Variants in MTOR observed in about 807,000 individuals in gnomAD.
The protein encoded by MTOR is serine/threonine-protein kinase mTOR.
A neutral mutation model predicts 319.8 loss-of-function variants in MTOR; 70 were observed. That is an observed-to-expected ratio of 0.22 (90% CI 0.18 to 0.27). The LOEUF is 0.27. Ranked by LOEUF, MTOR falls within the 10% of genes least tolerant of loss-of-function variation. The probability of loss-of-function intolerance (pLI) is 1.00; values close to 1 mark genes in which losing one functional copy is unlikely to be tolerated. For missense variants in MTOR, 1,890 were observed against 3,274.4 expected, an observed-to-expected ratio of 0.58 and a Z score of 10.32; for synonymous variants, 1,183 against 1,211.4, an observed-to-expected ratio of 0.98 and a Z score of 0.49.
chr1:11,196,594 C>T (rs1421476857), intron 28 of MTOR, among the ~76,000 whole-genome samples: 1 of 152,162 alleles, frequency 6.6e-6, no homozygotes, highest in Non-Finnish European at 1.5e-5. Flanking sequence ...GTGGCTCACG[C>T]CTGTAATCCC....
chr1:11,237,014 G>C (rs377750475), intron 13 of MTOR, among the ~76,000 whole-genome samples: 14 of 152,154 alleles, frequency 9.2e-5, no homozygotes, highest in African/African-American at 3.1e-4. Flanking sequence ...CATTTCTCTA[G>C]AGTGAGTTAC....
At position 11,127,222 on chromosome 1, in the gene MTOR, C is replaced by T. The variant is rs2100403799; in HGVS notation, c.6217-78G>A. ...GGAGGCAAAATCCCCAGGCTGACTGCAGATATTCCTCAGGAGCCCGCTGTG... is the reference window on the plus strand; with the variant it reads ...GGAGGCAAAATCCCCAGGCTGACTGTAGATATTCCTCAGGAGCCCGCTGTG... On this transcript the variant is annotated intron_variant, in intron 44 of 57. Transcript: ENST00000361445. This position sits in a 1 kb window ranked among gnomAD's most constrained non-coding sequence, Gnocchi z 5.5. 1 of 1,585,724 alleles carries T rather than the reference C, an allele frequency of 6.3e-7. No individual in the cohort carries two copies. Among genetic ancestry groups the T allele is most frequent in the South Asian group, 1.1e-5 (1 of 87,498 alleles).
rs749242357 is a variant in MTOR at position 11,139,297 on chromosome 1, T to A, written c.5130+7A>T. 1 of 1,601,660 alleles carries A rather than the reference T, an allele frequency of 6.2e-7. No individual in the cohort carries two copies. Among genetic ancestry groups the A allele is most frequent in the Non-Finnish European group, 8.5e-7 (1 of 1,176,932 alleles). On this transcript the variant is annotated splice_region_variant and intron_variant, in intron 36 of 57. Coordinates refer to ENST00000361445, the MANE Select transcript of MTOR (RefSeq NM_004958.4). Reference sequence around the variant, plus strand: ...GTGGTCTGTTCTGGATGCATTGGGATACAGACCTTGCGGGCACTCTTCCAC... The same window carrying A: ...GTGGTCTGTTCTGGATGCATTGGGAAACAGACCTTGCGGGCACTCTTCCAC...
At chr1:11,210,682 A>T in intron 24 of MTOR, 132 bp downstream of exon 24, 1 of 643,376 alleles carries the variant, frequency 1.6e-6, no homozygotes, top group Non-Finnish European at 2.7e-6. Flanking sequence ...CATAGTCTAC[A>T]AAACTGGAAA....
intron 28 of MTOR, among the ~76,000 whole-genome samples, chr1:11,185,567 T>C (rs1181244069): frequency 1.3e-5 from 2 of 151,924 alleles, no homozygotes; most frequent in Non-Finnish European, 2.9e-5. Flanking sequence ...GGTTGCCCCA[T>C]TGCACTCTAG....
rs141661845 is a variant in MTOR, at chr1:11,203,812, C to T, written c.3944+749G>A. Among the ~76,000 whole-genome samples, 337 of 152,296 alleles carry T rather than the reference C, an allele frequency of 2.2e-3. 3 individuals carry two copies. The highest frequency in any genetic ancestry group is 6.5e-3 in the African/African-American group (270 of 41,560). ...TGTCTTCTTCCTTTGAGCCTGACTG[C>T]GCCTTTGTGGCTGCCTTGAGCAACA... On this transcript the variant is annotated intron_variant, in intron 26 of 57. Transcript: ENST00000361445.
In MTOR at chr1:11,109,890, A is replaced by G. The variant is rs1279432951; in HGVS notation, c.7367-161T>C. Among the ~76,000 whole-genome samples the G allele has an allele frequency of 6.6e-6, 1 of 152,304 alleles. No homozygotes were observed. Among genetic ancestry groups the G allele is most frequent in the African/African-American group, 2.4e-5 (1 of 41,572 alleles). ...TTTTATGTTACTCTTTATGTATTTC[A>G]AAGTTTTAAGCTGGACATAGCTGTA... On this transcript the variant is annotated intron_variant, in intron 54 of 57. Coordinates refer to ENST00000361445, the MANE Select transcript of MTOR (RefSeq NM_004958.4). This position sits in a 1 kb window ranked among gnomAD's most constrained non-coding sequence, Gnocchi z 4.0.
intron 11 of MTOR, among the ~76,000 whole-genome samples, chr1:11,238,964 CA>C (rs906117437): frequency 1.2e-4 from 18 of 148,216 alleles, no homozygotes; most frequent in African/African-American, 4.5e-4. Context: ...TTATTAGAGA[CA>C]GCGTTTCACC....
chr1:11,164,878 G>A (rs1467326403), intron 29 of MTOR, among the ~76,000 whole-genome samples: 8 of 152,162 alleles, frequency 5.3e-5, no homozygotes, highest in Non-Finnish European at 1.0e-4. Context: ...GAATCCAGCA[G>A]CACATCAAAA....
intron 19 of MTOR, among the ~76,000 whole-genome samples, chr1:11,223,470 G>C (rs1395632821): frequency 1.3e-5 from 2 of 152,036 alleles, no homozygotes; most frequent in Non-Finnish European, 2.9e-5. Context: ...ACATGTGTCG[G>C]GGGGAAAGGC....
intron 34 of MTOR, among the ~76,000 whole-genome samples, chr1:11,142,954 A>G (rs1643786007): frequency 6.6e-6 from 1 of 152,212 alleles, no homozygotes; most frequent in Non-Finnish European, 1.5e-5. Flanking sequence ...TGATTTGACC[A>G]CAAAATGGCA....
At chr1:11,126,171 A>C (rs1642827977) in intron 46 of MTOR, among the ~76,000 whole-genome samples, 1 of 151,850 alleles carries the variant, frequency 6.6e-6, no homozygotes, top group African/African-American at 2.4e-5. Context: ...TTGCTTAACA[A>C]ATCTCACTGT....
rs529142616 is a variant in MTOR, at chr1:11,224,328, TAAG to T, written c.3030+4337_3030+4339del. Among the ~76,000 whole-genome samples, 14 of 152,190 alleles carry T rather than the reference TAAG, an allele frequency of 9.2e-5. No individual in the cohort carries two copies. The South Asian group carries it at 1.0e-3, about 11-fold the overall frequency. On this transcript the variant is annotated intron_variant, in intron 19 of 57. Coordinates refer to ENST00000361445, the MANE Select transcript of MTOR (RefSeq NM_004958.4). ...ATACGTTTTAAGGTATTATTAAAGATAAGAAGGATTATTGCATAATGATAAAAG... is the reference window on the plus strand; with the variant it reads ...ATACGTTTTAAGGTATTATTAAAGATAAGGATTATTGCATAATGATAAAAG...
rs556280154 is a variant in MTOR at position 11,252,301 on chromosome 1, TA to T, written c.840+1537del. ...GATTTTTTTTTTCTTTTTAAAAAGT[TA>T]AAAAAATTTTTTTGTAGAGACACGG... On this transcript the variant is annotated intron_variant, in intron 6 of 57. Coordinates refer to ENST00000361445, the MANE Select transcript of MTOR (RefSeq NM_004958.4). Among the ~76,000 whole-genome samples the T allele has an allele frequency of 3.2e-3, 482 of 152,260 alleles. 2 individuals carry two copies. The highest frequency in any genetic ancestry group is 8.7e-3 in the South Asian group (42 of 4,824).
intron 28 of MTOR, among the ~76,000 whole-genome samples, chr1:11,175,146 A>AG (rs2100644879): frequency 1.3e-5 from 2 of 152,316 alleles, no homozygotes; most frequent in East Asian, 3.9e-4. Context: ...TCCAGTTTCC[A>AG]GTTATAACAT....
rs777142056 is a variant in MTOR, at chr1:11,212,364, C to T, written c.3509G>A (p.Arg1170His). The T allele has an allele frequency of 9.3e-6, 15 of 1,614,104 alleles. No homozygotes were observed. Among genetic ancestry groups the T allele is most frequent in the South Asian group, 3.3e-5 (3 of 91,070 alleles). The change falls in exon 23 of 58, where the codon CGC becomes CAC. Residue 1170 changes from arginine (R) to histidine (H), a missense_variant. Transcript: ENST00000361445. This position sits in a 1 kb window ranked among gnomAD's most constrained non-coding sequence, Gnocchi z 4.1. The part of the protein sequence containing the change: ...VRTLDQSPEL[R>H]STAMDTLSSL... ...AGACAGCGTGTCCATGGCTGTGGAG[C>T]GCAGTTCTGGGCTCTGGTCCAGTGT...
chr1:11,240,432 G>A lies in MTOR; in HGVS notation c.1657C>T (p.Arg553Cys), dbSNP rs1350423605. The A allele has an allele frequency of 1.2e-6, 2 of 1,614,262 alleles. No homozygotes were observed. Among genetic ancestry groups the A allele is most frequent in the Non-Finnish European group, 8.5e-7 (1 of 1,180,050 alleles). The change falls in exon 11 of 58, where the codon CGC becomes TGC. Residue 553 changes from arginine (R) to cysteine (C), a missense_variant. This residue lies in a region of MTOR where 418 missense variants were observed against 543.1 expected (regional missense o/e 0.77). Coordinates refer to ENST00000361445, the MANE Select transcript of MTOR (RefSeq NM_004958.4). Reference sequence around the variant, plus strand: ...AGGCCCTTGGGCATGCCTGGGTGGCGAAGGGGTTTGTGCATAAGGACCAGG... The same window carrying A: ...AGGCCCTTGGGCATGCCTGGGTGGCAAAGGGGTTTGTGCATAAGGACCAGG... ...LSLVLMHKPL[R>C]HPGMPKGLAH...
chr1:11,257,259 G>C, intron 3 of MTOR, 94 bp from the exon 4 acceptor site: 1 of 1,105,112 alleles, frequency 9.0e-7, no homozygotes. Context: ...GTGCCGGCCA[G>C]GCACGGTGGC....
intron 50 of MTOR, among the ~76,000 whole-genome samples, chr1:11,116,402 C>G (rs57234312): frequency 0.018 from 2,782 of 152,234 alleles, 90 homozygotes; most frequent in African/African-American, 0.064. Flanking sequence ...ACAGCTTTGA[C>G]CTTCTGGACT....
Sources: gnomAD v4.1 joint callset for allele counts (sites outside exome capture counted in the v4.1 genomes callset) on GRCh38, gnomAD v4.1.1 for gene constraint, gnomAD v4.1.1 regional missense constraint, Gnocchi (gnomAD v3.1) non-coding constraint, MANE v1.5 for transcripts, NCBI Gene and HGNC (gene_info 2026-07-23, HGNC 2026-07-21) for gene names.